The following NTNG1 variants were observed in gnomAD, a reference collection of about 807,000 sequenced individuals.
NTNG1 encodes the protein netrin-G1.
NTNG1 carries 16 observed loss-of-function variants against 54.0 expected under a neutral mutation model. That is an observed-to-expected ratio of 0.30 (90% confidence interval 0.20 to 0.45). The LOEUF is 0.45. Ranked by LOEUF, NTNG1 falls within the 20% of genes least tolerant of loss-of-function variation. NTNG1 has a pLI of 1.00. For missense variants in NTNG1, 530 were observed against 678.7 expected, an observed-to-expected ratio of 0.78 and a Z score of 2.43; for synonymous variants, 255 against 263.1, an observed-to-expected ratio of 0.97 and a Z score of 0.30.
At chr1:107,402,777 C>T (rs192623182) in intron 4 of NTNG1, among the ~76,000 whole-genome samples, 8 of 152,224 alleles carry the variant, frequency 5.3e-5, no homozygotes, top group South Asian at 2.1e-4. Context: ...TCATTATCTG[C>T]GTTTTCTTCA....
At chr1:107,432,791 A>T (rs1201671457) in intron 6 of NTNG1, among the ~76,000 whole-genome samples, 1 of 152,162 alleles carries the variant, frequency 6.6e-6, no homozygotes, top group African/African-American at 2.4e-5. Flanking sequence ...GAAATATTTT[A>T]TTCCATAAAA....
intron 3 of NTNG1, among the ~76,000 whole-genome samples, chr1:107,376,810 C>A (rs530607442): frequency 6.6e-6 from 1 of 152,118 alleles, no homozygotes; most frequent in Non-Finnish European, 1.5e-5. Flanking sequence ...TTTTGCTGCC[C>A]CCCCAGCCAC....
rs956396836 is a variant in NTNG1 at position 107,227,701 on chromosome 1, T to TACAC, written c.246+78876_246+78879dup. Among the ~76,000 whole-genome samples, 7 of 146,528 alleles carry TACAC rather than the reference T, an allele frequency of 4.8e-5. No homozygotes were observed. In the East Asian group the frequency reaches 8.0e-4, roughly 17 times the overall value. ...TCTCTCTCTCTCTCACACACACACA[T>TACAC]ACACACACACACACACAGATAGACA... On this transcript the variant is annotated intron_variant, in intron 2 of 7. Coordinates refer to ENST00000370068, the MANE Select transcript of NTNG1 (RefSeq NM_001113226.3).
intron 2 of NTNG1, among the ~76,000 whole-genome samples, chr1:107,245,362 A>T (rs547613048): frequency 6.6e-6 from 1 of 152,334 alleles, no homozygotes; most frequent in East Asian, 1.9e-4. Flanking sequence ...TATTTTTCTC[A>T]TTCTGGTAAA....
chr1:107,171,322 C>A (rs919930312), intron 2 of NTNG1, among the ~76,000 whole-genome samples: 1 of 151,916 alleles, frequency 6.6e-6, no homozygotes, highest in South Asian at 2.1e-4. Flanking sequence ...ATAATGATAA[C>A]CCTTGCTCAT....
At chr1:107,180,999 A>G (rs573178975) in intron 2 of NTNG1, among the ~76,000 whole-genome samples, 6 of 152,332 alleles carry the variant, frequency 3.9e-5, no homozygotes, top group African/African-American at 1.2e-4. Context: ...AAGGAAAGCC[A>G]GAAACCAATG....
At position 107,484,756 on chromosome 1, in the gene NTNG1, C is replaced by T. The variant is rs571983238; in HGVS notation, c.*3916C>T. The stretch of plus-strand genomic sequence containing the variant: ...TGACATCGAATATTTTGTTCCATCT[C>T]CTTCACCCTCTACCATCAATAATCC... On this transcript the variant is annotated 3_prime_UTR_variant, in exon 8 of 8. Coordinates refer to ENST00000370068, the MANE Select transcript of NTNG1 (RefSeq NM_001113226.3). Among the ~76,000 whole-genome samples the T allele has an allele frequency of 3.9e-5, 6 of 152,284 alleles. No homozygotes were observed. The highest frequency in any genetic ancestry group is 1.4e-4 in the African/African-American group (6 of 41,546).
chr1:107,304,660 T>C (rs1666557432), intron 2 of NTNG1, among the ~76,000 whole-genome samples: 1 of 152,168 alleles, frequency 6.6e-6, no homozygotes, highest in African/African-American at 2.4e-5. Flanking sequence ...TTATGACGAA[T>C]TGTTTTGTCC....
intron 7 of NTNG1, among the ~76,000 whole-genome samples, chr1:107,439,277 C>CGTGTGTGT (rs3064151): frequency 0.024 from 3,442 of 145,874 alleles, 66 homozygotes; most frequent in East Asian, 0.082. Context: ...CCAGAACTTG[C>CGTGTGTGT]GTGTGTGTGT....
intron 2 of NTNG1, among the ~76,000 whole-genome samples, chr1:107,254,760 A>G (rs1662821604): frequency 6.6e-6 from 1 of 152,182 alleles, no homozygotes; most frequent in Admixed American, 6.5e-5. Flanking sequence ...TTAGTGAAAG[A>G]CTGAGCTAAT....
chr1:107,193,188 C>T (rs1313637858), intron 2 of NTNG1, among the ~76,000 whole-genome samples: 3 of 151,914 alleles, frequency 2.0e-5, no homozygotes, highest in Non-Finnish European at 2.9e-5. Context: ...CTTTGAGAAC[C>T]CCTTCCACAA....
intron 5 of NTNG1, chr1:107,408,634 T>A (rs1673598987): frequency 2.0e-5 from 3 of 152,024 alleles, no homozygotes; most frequent in Non-Finnish European, 4.4e-5. Flanking sequence ...AATTTTTTTT[T>A]ATACATTGCA....
intron 2 of NTNG1, among the ~76,000 whole-genome samples, chr1:107,209,894 T>TA (rs111337176): frequency 8.8e-5 from 12 of 136,232 alleles, no homozygotes; most frequent in African/African-American, 3.3e-4. Flanking sequence ...CAGACTTCTT[T>TA]TTTTTTTTTT....
At chr1:107,376,585 C>T (rs1404817383) in intron 3 of NTNG1, among the ~76,000 whole-genome samples, 1 of 152,168 alleles carries the variant, frequency 6.6e-6, no homozygotes, top group Non-Finnish European at 1.5e-5. Flanking sequence ...TCTGCCGTGC[C>T]ACCTTATGCC....
At position 107,148,536 on chromosome 1, in the gene NTNG1, C is replaced by T. The variant is rs936616573; in HGVS notation, c.-58C>T. Reference sequence around the variant, plus strand: ...ATATATATGTAAACTAGACAAAGATCGCAGATCATAAAGCAAGCTCTGCTT... The same window carrying T: ...ATATATATGTAAACTAGACAAAGATTGCAGATCATAAAGCAAGCTCTGCTT... On this transcript the variant is annotated 5_prime_UTR_variant, in exon 2 of 8. Transcript: ENST00000370068. 4.2e-5 allele frequency: 64 copies of T among 1,536,230 alleles called. No homozygotes were observed. The highest frequency in any genetic ancestry group is 5.1e-5 in the Non-Finnish European group (57 of 1,114,376).
At chr1:107,149,046 A>T (rs565639504) in intron 2 of NTNG1, among the ~76,000 whole-genome samples, 2 of 152,210 alleles carry the variant, frequency 1.3e-5, no homozygotes, top group South Asian at 4.1e-4. Context: ...CCTGGAAGGA[A>T]CTTACTTTCC....
chr1:107,255,423 G>A (rs1330805907), intron 2 of NTNG1, among the ~76,000 whole-genome samples: 4 of 152,122 alleles, frequency 2.6e-5, no homozygotes, highest in Non-Finnish European at 5.9e-5. Context: ...TTTGTGATTT[G>A]GTTGGCTTTC....
At chr1:107,298,538 C>T (rs537512821) in intron 2 of NTNG1, among the ~76,000 whole-genome samples, 15 of 152,294 alleles carry the variant, frequency 9.8e-5, no homozygotes, top group Admixed American at 7.2e-4. Flanking sequence ...GTTAAAGTCA[C>T]TGAAGGAGAA....
At chr1:107,464,289 C>A (rs531871) in intron 7 of NTNG1, among the ~76,000 whole-genome samples, 147,780 of 152,294 alleles carry the variant, frequency 0.97, 71,859 homozygotes, top group East Asian at 1. Context: ...TTTGACAAGC[C>A]TAAAGATGGA....
Sources: gnomAD v4.1 joint callset for allele counts (sites outside exome capture counted in the v4.1 genomes callset) on GRCh38, gnomAD v4.1.1 for gene constraint, MANE v1.5 for transcripts, NCBI Gene and HGNC (gene_info 2026-07-23, HGNC 2026-07-21) for gene names.